ROBO2: variants seen among roughly 807,000 people sequenced by gnomAD.
ROBO2 encodes roundabout homolog 2.
In ROBO2, 53 loss-of-function variants were observed where a neutral mutation model predicts 160.8. The ratio of observed to expected loss-of-function variants is 0.33; its 90% CI spans 0.26 to 0.41. The LOEUF (loss-of-function observed/expected upper bound fraction) is 0.41. Among genes scored for constraint, ROBO2 ranks in the 10% least tolerant of loss-of-function variants. The probability of loss-of-function intolerance (pLI) is 1.00; values close to 1 mark genes in which losing one functional copy is unlikely to be tolerated. For missense variants in ROBO2, 1,577 were observed against 1,722.4 expected (o/e 0.92, Z 1.49); for synonymous variants, 664 against 611.7 (o/e 1.09, Z -1.26).
intron 1 of ROBO2, among the ~76,000 whole-genome samples, chr3:77,058,897 A>G (rs960557816): frequency 6.6e-6 from 1 of 152,078 alleles, no homozygotes; most frequent in African/African-American, 2.4e-5. Flanking sequence ...CGTTATTGTT[A>G]ATTAGTTAGC....
chr3:76,461,748 G>T (rs576489184), intron 2 of ROBO2, among the ~76,000 whole-genome samples: 4 of 152,074 alleles, frequency 2.6e-5, no homozygotes, highest in African/African-American at 9.7e-5. Flanking sequence ...CTAAGTAAAT[G>T]AAAATTTTTA....
In ROBO2 at chr3:76,530,462, A is replaced by G. The variant is rs566575768; in HGVS notation, c.110-567552A>G. On this transcript the variant is annotated intron_variant, in intron 2 of 26. Coordinates refer to the ROBO2 transcript ENST00000487694. The stretch of plus-strand genomic sequence containing the variant: ...CATCTCCAGCTCAGAACAGAAAACT[A>G]TGTTCTCCCTCCTGTGTGATGACAA... Among the ~76,000 whole-genome samples the G allele has an allele frequency of 2.5e-4, 38 of 152,216 alleles. 2 individuals carry two copies. The South Asian group carries it at 7.3e-3, about 29-fold the overall frequency.
intron 5 of ROBO2, among the ~76,000 whole-genome samples, chr3:77,494,501 C>G (rs751749911): frequency 2.0e-5 from 3 of 152,094 alleles, no homozygotes; most frequent in Admixed American, 6.5e-5. Flanking sequence ...TTGCTTGAAC[C>G]CGGGAGGCAG....
At chr3:77,072,859 C>T (rs1441122515) in intron 1 of ROBO2, among the ~76,000 whole-genome samples, 1 of 152,052 alleles carries the variant, frequency 6.6e-6, no homozygotes, top group African/African-American at 2.4e-5. Flanking sequence ...TCTTTAAATT[C>T]TAGATTACAT....
chr3:75,916,894 A>T (rs940232267), intron 1 of ROBO2, among the ~76,000 whole-genome samples: 1 of 152,082 alleles, frequency 6.6e-6, no homozygotes, highest in African/African-American at 2.4e-5. Context: ...TATATGTTAC[A>T]AATACAAAAC....
intron 2 of ROBO2, among the ~76,000 whole-genome samples, chr3:76,430,647 A>T (rs1468378672): frequency 6.6e-6 from 1 of 152,030 alleles, no homozygotes. Context: ...TTTTCCCTGG[A>T]TGGAGCCTGT....
intron 2 of ROBO2, among the ~76,000 whole-genome samples, chr3:76,954,227 T>G (rs2079115405): frequency 6.6e-6 from 1 of 152,226 alleles, no homozygotes; most frequent in African/African-American, 2.4e-5. Flanking sequence ...CAATGTGTCC[T>G]ACAGAAAAGG....
chr3:76,535,734 CA>C (rs1236793868), intron 2 of ROBO2, among the ~76,000 whole-genome samples: 1 of 152,044 alleles, frequency 6.6e-6, no homozygotes, highest in Admixed American at 6.6e-5. Context: ...GCCTGGCTAA[CA>C]ATACCCACAA....
At chr3:77,363,743 G>A (rs985273526) in intron 2 of ROBO2, among the ~76,000 whole-genome samples, 1 of 152,156 alleles carries the variant, frequency 6.6e-6, no homozygotes, top group South Asian at 2.1e-4. Flanking sequence ...CTGGAATGAG[G>A]GTCTTCAAGG....
At chr3:76,008,232 C>CAAAAAAAAAAAAAAAA (rs5850225) in intron 2 of ROBO2, among the ~76,000 whole-genome samples, 1 of 82,280 alleles carries the variant, frequency 1.2e-5, no homozygotes, top group Non-Finnish European at 2.4e-5. Context: ...AAGACTCTGT[C>CAAAAAAAAAAAAAAAA]AAAAAAAAAA....
At chr3:75,947,349 G>C (rs1049775037) in intron 2 of ROBO2, among the ~76,000 whole-genome samples, 2 of 152,062 alleles carry the variant, frequency 1.3e-5, no homozygotes, top group African/African-American at 2.4e-5. Flanking sequence ...TCTAGGTGAG[G>C]GGTTGGCAAA....
chr3:77,043,695 T>C (rs1430735728), intron 1 of ROBO2, among the ~76,000 whole-genome samples: 1 of 152,172 alleles, frequency 6.6e-6, no homozygotes, highest in African/African-American at 2.4e-5. Flanking sequence ...AGAATAGGGT[T>C]TTGCAGTCAT....
intron 2 of ROBO2, among the ~76,000 whole-genome samples, chr3:76,044,502 C>T (rs2067383113): frequency 6.6e-6 from 1 of 151,874 alleles, no homozygotes; most frequent in South Asian, 2.1e-4. Flanking sequence ...GGGACTCAGT[C>T]AAACTTTGTA....
intron 2 of ROBO2, among the ~76,000 whole-genome samples, chr3:77,316,129 T>C (rs139200081): frequency 3.3e-5 from 5 of 152,266 alleles, no homozygotes; most frequent in Admixed American, 2.0e-4. Context: ...TCCTGGAAGC[T>C]ATTTCTTACT....
intron 2 of ROBO2, among the ~76,000 whole-genome samples, chr3:76,357,162 T>TA (rs977166625): frequency 1.8e-4 from 27 of 151,728 alleles, no homozygotes; most frequent in African/African-American, 5.3e-4. Flanking sequence ...CACAGCTGTT[T>TA]AAAAAAAATG....
intron 24 of ROBO2, among the ~76,000 whole-genome samples, chr3:77,638,844 G>A: frequency 2.1e-4 from 2 of 9,476 alleles, no homozygotes; most frequent in African/African-American, 7.7e-4. Context: ...TTTTTTTTTT[G>A]AGAGGGAGTT....
In ROBO2 at chr3:77,243,904, A is replaced by G. The variant is rs1198257537; in HGVS notation, c.388+145564A>G. 7.2e-5 allele frequency among the ~76,000 whole-genome samples: 11 copies of G among 152,192 alleles called. No individual in the cohort carries two copies. The South Asian group carries it at 2.3e-3, about 32-fold the overall frequency. ...CTGGCATTCTCAAAACCTGAACCCT[A>G]CACTCCAGCTCAAAGCTCCTTATAG... On this transcript the variant is annotated intron_variant, in intron 2 of 25. Transcript: ENST00000461745.
intron 2 of ROBO2, among the ~76,000 whole-genome samples, chr3:77,351,877 C>T (rs1240359463): frequency 6.6e-6 from 1 of 150,438 alleles, no homozygotes; most frequent in East Asian, 2.0e-4. Context: ...TGTTCTCACT[C>T]ATAGGTGAGA....
intron 21 of ROBO2, 23 bp from the exon 23 acceptor site, chr3:77,617,490 A>G: frequency 6.2e-7 from 1 of 1,613,958 alleles, no homozygotes; most frequent in Non-Finnish European, 8.5e-7. Flanking sequence ...GTCAATGTGC[A>G]TATTTTTCTC....
Sources: allele counts gnomAD v4.1 joint callset (sites outside exome capture counted in the v4.1 genomes callset), GRCh38; gene constraint gnomAD v4.1.1; transcripts MANE v1.5; gene names NCBI Gene and HGNC (gene_info 2026-07-23, HGNC 2026-07-21).